WWC2: variants seen among roughly 807,000 people sequenced by gnomAD.
The protein encoded by WWC2 is WW and C2 domain containing 2.
A neutral mutation model predicts 138.5 loss-of-function variants in WWC2; 101 were observed. The observed-to-expected ratio is 0.73, with a 90% CI of 0.62 to 0.86. The LOEUF (loss-of-function observed/expected upper bound fraction) is 0.86, where lower values mean the gene tolerates loss of function less well. Ranked by LOEUF, WWC2 falls within the 40% of genes least tolerant of loss-of-function variation. WWC2 has a pLI of 0.00. For missense variants in WWC2, 1,420 were observed against 1,419.4 expected, an observed-to-expected ratio of 1.00 and a Z score of -0.01; for synonymous variants, 558 against 538.4, an observed-to-expected ratio of 1.04 and a Z score of -0.50.
At chr4:183,127,221 A>T (rs1732787365) in intron 1 of WWC2, among the ~76,000 whole-genome samples, 2 of 152,184 alleles carry the variant, frequency 1.3e-5, no homozygotes, top group South Asian at 4.1e-4. Flanking sequence ...GGAAAGCAAG[A>T]AGAAAAATAG....
At position 183,316,808 on chromosome 4, in the gene WWC2, A is replaced by G. The variant is rs1438031321; in HGVS notation, c.*1079A>G. The G allele has an allele frequency of 1.3e-5, 2 of 152,216 alleles. No individual in the cohort carries two copies. The highest frequency in any genetic ancestry group is 2.9e-5 in the Non-Finnish European group (2 of 68,034). The allele number at this position is 152,216 out of a possible 1,614,324, so 9.4% of individuals were successfully genotyped here. A position where few individuals can be genotyped will look rare whatever the true frequency, so the allele number is the denominator to read the frequency against. ...TTTTAGGGGGTTCTATCTATAATTT[A>G]TGGTAAATAGTTGGGAGGCAAAGGG... is the stretch of plus-strand genomic sequence containing the variant. On this transcript the variant is annotated 3_prime_UTR_variant, in exon 23 of 23. Coordinates refer to ENST00000403733, the MANE Select transcript of WWC2 (RefSeq NM_024949.6).
At chr4:183,206,696 A>T (rs896472840) in intron 2 of WWC2, among the ~76,000 whole-genome samples, 1 of 152,086 alleles carries the variant, frequency 6.6e-6, no homozygotes, top group Non-Finnish European at 1.5e-5. Flanking sequence ...TTTCTTTCAC[A>T]GCAGAGGGGT....
intron 1 of WWC2, among the ~76,000 whole-genome samples, chr4:183,181,397 C>G (rs1734630366): frequency 6.6e-6 from 1 of 152,178 alleles, no homozygotes; most frequent in African/African-American, 2.4e-5. Flanking sequence ...AAAGTAATGA[C>G]CTTACAAGAA....
intron 1 of WWC2, among the ~76,000 whole-genome samples, chr4:183,186,004 A>G (rs890135949): frequency 2.7e-5 from 4 of 149,016 alleles, no homozygotes; most frequent in East Asian, 4.0e-4. Context: ...CTGGAGTGCA[A>G]TGGCGCAACC....
At chr4:183,185,101 A>G (rs1734750638) in intron 1 of WWC2, among the ~76,000 whole-genome samples, 1 of 152,214 alleles carries the variant, frequency 6.6e-6, no homozygotes, top group Non-Finnish European at 1.5e-5. Context: ...ATTACCTCAG[A>G]ACTTAGAGAT....
chr4:183,268,755 G>C (rs1235929629), intron 14 of WWC2, among the ~76,000 whole-genome samples: 3 of 152,112 alleles, frequency 2.0e-5, no homozygotes, highest in Non-Finnish European at 2.9e-5. Context: ...GTGGAGGCTG[G>C]GCCATTGCAT....
chr4:183,103,914 A>G lies in WWC2; in HGVS notation c.131+4292A>G, dbSNP rs554878977. Among the ~76,000 whole-genome samples the G allele has an allele frequency of 8.9e-4, 135 of 151,654 alleles. 1 individual carries two copies. Among genetic ancestry groups the G allele is most frequent in the South Asian group, 3.1e-3 (15 of 4,764 alleles). On this transcript the variant is annotated intron_variant, in intron 1 of 22. Transcript: ENST00000403733. ...CTCCCAAAGTGCTGGGATTACAGGCATGAGCCACCACGCCCGGCCTGGCCT... is the reference window on the plus strand; with the variant it reads ...CTCCCAAAGTGCTGGGATTACAGGCGTGAGCCACCACGCCCGGCCTGGCCT...
At chr4:183,183,458 A>G (rs1356079785) in intron 1 of WWC2, among the ~76,000 whole-genome samples, 4 of 152,140 alleles carry the variant, frequency 2.6e-5, no homozygotes, top group African/African-American at 9.7e-5. Flanking sequence ...GATGCCCCAC[A>G]TCCTCACCAG....
chr4:183,232,977 A>G (rs1736297966), intron 4 of WWC2, among the ~76,000 whole-genome samples: 1 of 151,950 alleles, frequency 6.6e-6, no homozygotes. Context: ...ATCAGTTGGC[A>G]GATAATTGTT....
Position 183,202,185 on chromosome 4 carries a change from C to G in WWC2, c.242-5768C>G, listed in dbSNP as rs565313331. 8.5e-5 allele frequency among the ~76,000 whole-genome samples: 13 copies of G among 152,160 alleles called. No homozygotes were observed. The South Asian group carries it at 2.7e-3, about 32-fold the overall frequency. ...GGAATGGTCTCTAGTTGTCCAGTAT[C>G]TTCTCTGGGGGGTGGTGTAGGGCAG... On this transcript the variant is annotated intron_variant, in intron 2 of 22. Coordinates refer to ENST00000403733, the MANE Select transcript of WWC2 (RefSeq NM_024949.6).
chr4:183,215,649 C>T (rs1046316085), intron 4 of WWC2, among the ~76,000 whole-genome samples: 2 of 152,052 alleles, frequency 1.3e-5, no homozygotes, highest in African/African-American at 4.8e-5. Context: ...TTTTATTTCT[C>T]TCACTCTCTA....
intron 2 of WWC2, among the ~76,000 whole-genome samples, chr4:183,205,176 G>A (rs1052514603): frequency 6.6e-6 from 1 of 152,070 alleles, no homozygotes; most frequent in East Asian, 1.9e-4. Flanking sequence ...TTAGATTCCC[G>A]GTAGCAATGA....
intron 1 of WWC2, among the ~76,000 whole-genome samples, chr4:183,172,698 C>T (rs947779333): frequency 4.0e-5 from 6 of 151,676 alleles, no homozygotes; most frequent in Admixed American, 1.3e-4. Flanking sequence ...CTTTTGTAAC[C>T]ATTGTGCTAG....
rs148785620 is a variant in WWC2 at position 183,169,617 on chromosome 4, G to T, written c.132-23982G>T. Among the ~76,000 whole-genome samples the T allele has an allele frequency of 5.1e-3, 778 of 152,080 alleles. 12 individuals are homozygous for T. The highest frequency in any genetic ancestry group is 0.018 in the African/African-American group (728 of 41,516). ...ATGTTTTTTGGGTGGCCATCAGAGA[G>T]ACCCTGTAAAAAATATGATTTTGGA... On this transcript the variant is annotated intron_variant, in intron 1 of 22. Transcript: ENST00000403733.
chr4:183,287,173 G>T (rs1738287142), intron 20 of WWC2, among the ~76,000 whole-genome samples: 1 of 152,180 alleles, frequency 6.6e-6, no homozygotes, highest in Non-Finnish European at 1.5e-5. Context: ...TGGCCAGGCA[G>T]CAGTGGGCGC....
intron 1 of WWC2, among the ~76,000 whole-genome samples, chr4:183,126,776 T>C (rs1732769383): frequency 6.6e-6 from 1 of 152,060 alleles, no homozygotes; most frequent in South Asian, 2.1e-4. Flanking sequence ...AGGGTCTTGC[T>C]CTGTCACCTA....
chr4:183,301,825 G>C (rs1398556353), intron 21 of WWC2, among the ~76,000 whole-genome samples: 3 of 152,152 alleles, frequency 2.0e-5, no homozygotes, highest in African/African-American at 7.2e-5. Context: ...ACTTCCCAGA[G>C]GTTACCACTG....
chr4:183,220,749 GC>G (rs1045214836), intron 4 of WWC2, among the ~76,000 whole-genome samples: 4 of 152,020 alleles, frequency 2.6e-5, no homozygotes, highest in African/African-American at 9.6e-5. Context: ...CAGGAGAATG[GC>G]GTGAACCCGG....
intron 11 of WWC2, among the ~76,000 whole-genome samples, chr4:183,263,986 C>T (rs150185381): frequency 3.3e-5 from 5 of 152,116 alleles, no homozygotes; most frequent in Admixed American, 1.3e-4. Context: ...AAAGGCCTTC[C>T]GCAGTCAGTC....
Sources: allele counts gnomAD v4.1 joint callset (sites outside exome capture counted in the v4.1 genomes callset), GRCh38; gene constraint gnomAD v4.1.1; transcripts MANE v1.5; gene names NCBI Gene and HGNC (gene_info 2026-07-23, HGNC 2026-07-21).